FRMD4B: variants seen among roughly 807,000 people sequenced by gnomAD.
FRMD4B encodes FERM domain containing 4B.
FRMD4B carries 74 observed loss-of-function variants against 141.5 expected under a neutral mutation model. That is an observed-to-expected ratio of 0.52 (90% CI 0.43 to 0.63). The LOEUF is 0.63. FRMD4B is among the 30% of genes least tolerant of loss of function. The pLI is 0.00. For synonymous variants in FRMD4B, 506 were observed against 467.9 expected (o/e 1.08, Z -1.05); for missense variants, 1,366 against 1,253.4 (o/e 1.09, Z -1.36).
chr3:69,355,325 C>T (rs1703281486), intron 1 of FRMD4B, among the ~76,000 whole-genome samples: 1 of 152,154 alleles, frequency 6.6e-6, no homozygotes, highest in African/African-American at 2.4e-5. Flanking sequence ...ATTTCATATA[C>T]ATTTCTAAAA....
chr3:69,250,631 G>A (rs1433438459), intron 5 of FRMD4B, among the ~76,000 whole-genome samples: 1 of 151,840 alleles, frequency 6.6e-6, no homozygotes, highest in Non-Finnish European at 1.5e-5. Context: ...CAGATAAAAT[G>A]TGAGGCCTTA....
rs760200535 is a variant in FRMD4B, at chr3:69,249,219, G to A, written c.581+7C>T. ...TGCATAGTAATATCAGAAAAGAAAA[G>A]CATTACCTGGTATAATCTCCCTTGG... On this transcript the variant is annotated splice_region_variant and intron_variant, in intron 7 of 22. Transcript: ENST00000398540. 15 of 1,551,238 alleles carry A rather than the reference G, an allele frequency of 9.7e-6. No homozygotes were observed. In the Admixed American group the frequency reaches 1.4e-4, roughly 14 times the overall value.
rs1575792845 is a variant in FRMD4B at position 69,411,837 on chromosome 3, A to G, written c.-1+20797T>C. ...AAGATTTCCGAGGTCCTTGCTTTTG[A>G]ACAATTATCTATATCAAATCAGAAC... On this transcript the variant is annotated intron_variant, in intron 2 of 5. Coordinates refer to the FRMD4B transcript ENST00000459638. Among the ~76,000 whole-genome samples, 2 of 152,322 alleles carry G rather than the reference A, an allele frequency of 1.3e-5. 1 individual carries two copies. The highest frequency in any genetic ancestry group is 4.1e-4 in the South Asian group (2 of 4,828).
intron 9 of FRMD4B, among the ~76,000 whole-genome samples, chr3:69,220,584 GCC>G (rs2093184348): frequency 6.6e-6 from 1 of 152,196 alleles, no homozygotes; most frequent in Non-Finnish European, 1.5e-5. Context: ...AGGCACAGTG[GCC>G]CATGTCTATA....
chr3:69,413,044 A>C (rs1704787205), intron 2 of FRMD4B, among the ~76,000 whole-genome samples: 1 of 151,842 alleles, frequency 6.6e-6, no homozygotes, highest in South Asian at 2.1e-4. Context: ...CCTCTATTGC[A>C]GTAATTCCAT....
At chr3:69,223,968 T>C (rs1489113051) in intron 8 of FRMD4B, among the ~76,000 whole-genome samples, 1 of 152,214 alleles carries the variant, frequency 6.6e-6, no homozygotes, top group Admixed American at 6.5e-5. Flanking sequence ...ATACTAAATG[T>C]CTCAATATTG....
chr3:69,479,147 T>G (rs1329447901), intron 1 of FRMD4B, among the ~76,000 whole-genome samples: 1 of 149,870 alleles, frequency 6.7e-6, no homozygotes, highest in Non-Finnish European at 1.5e-5. Flanking sequence ...TGATGGGTCT[T>G]GACTCTTTAT....
chr3:69,479,924 C>G (rs1706088249), intron 1 of FRMD4B, among the ~76,000 whole-genome samples: 1 of 152,098 alleles, frequency 6.6e-6, no homozygotes, highest in African/African-American at 2.4e-5. Flanking sequence ...TCTTTTTTCT[C>G]TAAACTTCCC....
At chr3:69,226,222 A>G (rs1018367337) in intron 7 of FRMD4B, among the ~76,000 whole-genome samples, 3 of 152,200 alleles carry the variant, frequency 2.0e-5, no homozygotes, top group South Asian at 2.1e-4. Context: ...CTGTTCTTAC[A>G]TAAGAATAAA....
intron 3 of FRMD4B, among the ~76,000 whole-genome samples, chr3:69,306,208 T>C (rs1701387272): frequency 6.6e-6 from 1 of 152,236 alleles, no homozygotes; most frequent in African/African-American, 2.4e-5. Context: ...TATAACTTGC[T>C]TTTGTCAAAT....
chr3:69,475,352 C>T (rs1447185667), intron 1 of FRMD4B, among the ~76,000 whole-genome samples: 1 of 151,454 alleles, frequency 6.6e-6, no homozygotes. Context: ...GCTATCCCTC[C>T]CCCTTCCCCC....
At chr3:69,198,875 C>A in intron 11 of FRMD4B, 101 bp from the exon 12 acceptor site, 1 of 674,516 alleles carries the variant, frequency 1.5e-6, no homozygotes, top group Non-Finnish European at 2.7e-6. Flanking sequence ...CAAGAAGGTA[C>A]ACTGATACGA....
intron 11 of FRMD4B, among the ~76,000 whole-genome samples, chr3:69,211,023 G>GAA (rs541259572): frequency 4.7e-5 from 4 of 85,840 alleles, no homozygotes; most frequent in African/African-American, 1.4e-4. Flanking sequence ...ATGCCATCTC[G>GAA]AAAAAAAAAA....
At chr3:69,450,698 G>C (rs1368769259) in intron 1 of FRMD4B, among the ~76,000 whole-genome samples, 1 of 151,532 alleles carries the variant, frequency 6.6e-6, no homozygotes, top group Non-Finnish European at 1.5e-5. Context: ...AAGTTGCAGT[G>C]AGCCAAGATT....
At chr3:69,348,113 A>T (rs892800072) in intron 1 of FRMD4B, among the ~76,000 whole-genome samples, 2 of 152,224 alleles carry the variant, frequency 1.3e-5, no homozygotes, top group Non-Finnish European at 2.9e-5. Flanking sequence ...AAAAGAGAGA[A>T]GAATCAAATA....
At chr3:69,464,096 C>T (rs1705746221) in intron 1 of FRMD4B, among the ~76,000 whole-genome samples, 1 of 152,206 alleles carries the variant, frequency 6.6e-6, no homozygotes, top group African/African-American at 2.4e-5. Context: ...GGGGCAACTA[C>T]CACGTGCAGA....
At chr3:69,373,239 A>C (rs1288582407) in intron 1 of FRMD4B, among the ~76,000 whole-genome samples, 1 of 152,250 alleles carries the variant, frequency 6.6e-6, no homozygotes, top group Non-Finnish European at 1.5e-5. Context: ...TGAGTTTATC[A>C]AATCCAGCTA....
chr3:69,485,145 G>A (rs1706193826), intron 1 of FRMD4B, among the ~76,000 whole-genome samples: 1 of 152,212 alleles, frequency 6.6e-6, no homozygotes, highest in Non-Finnish European at 1.5e-5. Flanking sequence ...AGGGGCCAGA[G>A]CAGCAGGGGG....
At chr3:69,487,388 A>C (rs1234543317) in intron 1 of FRMD4B, among the ~76,000 whole-genome samples, 1 of 152,230 alleles carries the variant, frequency 6.6e-6, no homozygotes, top group South Asian at 2.1e-4. Flanking sequence ...ATTAGCTAAG[A>C]AATTTGAATT....
Sources: gnomAD v4.1 joint callset for allele counts (sites outside exome capture counted in the v4.1 genomes callset) on GRCh38, gnomAD v4.1.1 for gene constraint, MANE v1.5 for transcripts, NCBI Gene and HGNC (gene_info 2026-07-23, HGNC 2026-07-21) for gene names.